Variants in SH3KBP1 observed in about 807,000 individuals in gnomAD.
SH3KBP1 encodes SH3 domain-containing kinase-binding protein 1.
A neutral mutation model predicts 50.1 loss-of-function variants in SH3KBP1; 8 were observed. The observed-to-expected ratio is 0.16, with a 90% CI of 0.09 to 0.29. The LOEUF (loss-of-function observed/expected upper bound fraction) is 0.29. SH3KBP1 is among the 10% of genes least tolerant of loss of function. The pLI is 1.00. For synonymous variants in SH3KBP1, 227 were observed against 218.6 expected, an observed-to-expected ratio of 1.04 and a Z score of -0.34; for missense variants, 377 against 535.2, an observed-to-expected ratio of 0.70 and a Z score of 2.92.
At chrX:19,830,232 C>T (rs1206166162) in intron 2 of SH3KBP1, among the ~76,000 whole-genome samples, 1 of 109,937 alleles carries the variant, frequency 9.1e-6, no homozygotes. Flanking sequence ...CTGGTTCCAA[C>T]GACTCTGACA....
chrX:19,644,679 T>C (rs2061950125), intron 7 of SH3KBP1, among the ~76,000 whole-genome samples: 1 of 112,417 alleles, frequency 8.9e-6, no homozygotes, highest in African/African-American at 3.2e-5. Context: ...AATGAAAGTA[T>C]CTCATTTAAT....
intron 1 of SH3KBP1, among the ~76,000 whole-genome samples, chrX:19,878,674 C>T (rs1321475414): frequency 9.1e-6 from 1 of 110,184 alleles, no homozygotes; most frequent in Non-Finnish European, 1.9e-5. Flanking sequence ...GCTGGCTGGT[C>T]CAGGAACCCC....
chrX:19,779,798 G>A (rs1306887697), intron 2 of SH3KBP1, among the ~76,000 whole-genome samples: 1 of 101,846 alleles, frequency 9.8e-6, no homozygotes, highest in African/African-American at 3.6e-5. Context: ...TGGTGTATAT[G>A]TGCCACATTT....
chrX:19,668,381 C>G (rs1163508168), intron 6 of SH3KBP1, among the ~76,000 whole-genome samples: 1 of 107,136 alleles, frequency 9.3e-6, no homozygotes, highest in African/African-American at 3.4e-5. Context: ...GTGGCGGGCG[C>G]CTATAGTCCC....
intron 2 of SH3KBP1, among the ~76,000 whole-genome samples, chrX:19,780,560 G>GT (rs2066145786): frequency 9.2e-6 from 1 of 108,735 alleles, no homozygotes; most frequent in African/African-American, 3.4e-5. Context: ...TTCTTCTAGG[G>GT]TTTTTATGGT....
chrX:19,551,840 G>C (rs2065251101), intron 13 of SH3KBP1, among the ~76,000 whole-genome samples: 1 of 110,699 alleles, frequency 9.0e-6, no homozygotes, highest in South Asian at 3.8e-4. Flanking sequence ...TTACACACTT[G>C]GATGGATGCA....
chrX:19,798,228 G>C (rs2147218675), intron 2 of SH3KBP1, among the ~76,000 whole-genome samples: 1 of 110,084 alleles, frequency 9.1e-6, no homozygotes, highest in African/African-American at 3.3e-5. Context: ...GGGACTACAG[G>C]CGTGTGTCAC....
chrX:19,785,011 G>T (rs2066293992), intron 2 of SH3KBP1, among the ~76,000 whole-genome samples: 1 of 110,826 alleles, frequency 9.0e-6, no homozygotes, highest in South Asian at 3.8e-4. Context: ...ATAGGTACAT[G>T]CCTTGCCCAA....
intron 3 of SH3KBP1, among the ~76,000 whole-genome samples, chrX:19,717,226 A>G (rs1321442071): frequency 8.9e-6 from 1 of 111,857 alleles, no homozygotes; most frequent in Non-Finnish European, 1.9e-5. Context: ...TTTGGGGGCC[A>G]ATGACCTTCT....
intron 2 of SH3KBP1, among the ~76,000 whole-genome samples, chrX:19,784,340 A>G (rs929286370): frequency 2.7e-5 from 3 of 112,049 alleles, no homozygotes; most frequent in Non-Finnish European, 5.6e-5. Context: ...AATGTGGTAC[A>G]CGATTAAGCT....
chrX:19,687,656 C>T lies in SH3KBP1; in HGVS notation c.521-3628G>A, dbSNP rs766365877. 3.3e-6 allele frequency: 4 copies of T among 1,207,120 alleles called. No homozygotes were observed. In the Admixed American group the frequency reaches 6.6e-5, roughly 20 times the overall value. On this transcript the variant is annotated intron_variant, in intron 5 of 17. Coordinates refer to ENST00000397821, the MANE Select transcript of SH3KBP1 (RefSeq NM_031892.3). ...TGGCCCTCCGTCTTTCCCGGTGCAG[C>T]TCGGTACAGAATTGTCCCTTCAAAG...
At chrX:19,618,977 CAA>C (rs11345869) in intron 8 of SH3KBP1, among the ~76,000 whole-genome samples, 28 of 84,254 alleles carry the variant, frequency 3.3e-4, no homozygotes, top group African/African-American at 7.0e-4. Flanking sequence ...AAAAAACGAA[CAA>C]AAAAAAAAAA....
At chrX:19,831,617 C>T (rs777834229) in intron 2 of SH3KBP1, among the ~76,000 whole-genome samples, 2 of 106,291 alleles carry the variant, frequency 1.9e-5, no homozygotes, top group South Asian at 8.5e-4. Context: ...CATGGAGAAA[C>T]CCCGTCTCTA....
chrX:19,669,513 C>T (rs915546618), intron 6 of SH3KBP1, among the ~76,000 whole-genome samples: 5 of 110,262 alleles, frequency 4.5e-5, no homozygotes, highest in Non-Finnish European at 9.5e-5. Flanking sequence ...ATCTCCAGGC[C>T]CTAGCTGCTG....
At chrX:19,680,613 T>C (rs781758892) in intron 6 of SH3KBP1, among the ~76,000 whole-genome samples, 1 of 111,537 alleles carries the variant, frequency 9.0e-6, no homozygotes, top group East Asian at 2.8e-4. Flanking sequence ...AGCTCAATTC[T>C]CAAAGGAAGC....
At chrX:19,643,299 A>ATTTTT (rs2061905224) in intron 7 of SH3KBP1, among the ~76,000 whole-genome samples, 2 of 83,012 alleles carry the variant, frequency 2.4e-5, no homozygotes, top group Non-Finnish European at 4.5e-5. Flanking sequence ...GAAACTGAAG[A>ATTTTT]ATTTTTTATT....
At chrX:19,624,696 G>C (rs1293751715) in intron 8 of SH3KBP1, among the ~76,000 whole-genome samples, 4 of 112,206 alleles carry the variant, frequency 3.6e-5, no homozygotes, top group Admixed American at 1.9e-4. Context: ...AGACAAAACA[G>C]CAACAAATTA....
intron 2 of SH3KBP1, among the ~76,000 whole-genome samples, chrX:19,802,540 C>T (rs183245101): frequency 9.1e-6 from 1 of 110,367 alleles, no homozygotes; most frequent in Admixed American, 9.6e-5. Context: ...AAGTTCCTTT[C>T]AAGGGCGTGC....
intron 3 of SH3KBP1, among the ~76,000 whole-genome samples, chrX:19,735,621 A>C (rs1037402612): frequency 9.6e-6 from 1 of 104,324 alleles, no homozygotes; most frequent in African/African-American, 3.5e-5. Context: ...AATTTCCCCA[A>C]TTTCCTTCTA....
Sources: allele counts gnomAD v4.1 joint callset (sites outside exome capture counted in the v4.1 genomes callset), GRCh38; gene constraint gnomAD v4.1.1; transcripts MANE v1.5; gene names NCBI Gene and HGNC (gene_info 2026-07-23, HGNC 2026-07-21).